The following CDH12 variants were observed in gnomAD, a reference collection of about 807,000 sequenced individuals.
The protein encoded by CDH12 is cadherin-12.
CDH12 carries 41 observed loss-of-function variants against 74.1 expected under a neutral mutation model. The observed-to-expected ratio is 0.55, with a 90% CI of 0.43 to 0.72. The LOEUF (loss-of-function observed/expected upper bound fraction) is 0.72. Among genes scored for constraint, CDH12 ranks in the 30% least tolerant of loss-of-function variants. The probability of loss-of-function intolerance (pLI) is 0.00; values close to 1 mark genes in which losing one functional copy is unlikely to be tolerated. For missense variants in CDH12, 945 were observed against 977.2 expected, an observed-to-expected ratio of 0.97 and a Z score of 0.44; for synonymous variants, 399 against 355.0, an observed-to-expected ratio of 1.12 and a Z score of -1.39.
chr5:22,732,530 G>C (rs1014048234), intron 1 of CDH12, among the ~76,000 whole-genome samples: 5 of 151,308 alleles, frequency 3.3e-5, no homozygotes, highest in African/African-American at 1.2e-4. Context: ...TACTATCCCA[G>C]AGTATGCCAT....
At chr5:22,369,045 C>G (rs1236071516) in intron 3 of CDH12, among the ~76,000 whole-genome samples, 1 of 152,066 alleles carries the variant, frequency 6.6e-6, no homozygotes, top group Non-Finnish European at 1.5e-5. Flanking sequence ...AGGAGAATCG[C>G]TTGAACCCGG....
intron 8 of CDH12, among the ~76,000 whole-genome samples, chr5:21,817,977 G>A (rs1212154986): frequency 6.6e-6 from 1 of 151,862 alleles, no homozygotes. Context: ...ATTATTTTAA[G>A]GTTTTGTAGA....
chr5:22,691,465 TG>T (rs1354698360), intron 1 of CDH12, among the ~76,000 whole-genome samples: 1 of 152,212 alleles, frequency 6.6e-6, no homozygotes, highest in Admixed American at 6.5e-5. Context: ...ATTCAAACCC[TG>T]GTTTACTTCT....
At chr5:22,370,503 C>T (rs1215475968) in intron 3 of CDH12, among the ~76,000 whole-genome samples, 2 of 152,108 alleles carry the variant, frequency 1.3e-5, no homozygotes, top group African/African-American at 4.8e-5. Context: ...TAATTTATAA[C>T]ACATAGGTGC....
intron 1 of CDH12, among the ~76,000 whole-genome samples, chr5:22,720,287 G>T (rs1214440098): frequency 6.6e-6 from 1 of 151,954 alleles, no homozygotes; most frequent in Non-Finnish European, 1.5e-5. Context: ...GTTTTTTAAG[G>T]GGCTTTTCCC....
At chr5:22,741,263 C>T (rs1745012017) in intron 1 of CDH12, among the ~76,000 whole-genome samples, 1 of 152,102 alleles carries the variant, frequency 6.6e-6, no homozygotes, top group Non-Finnish European at 1.5e-5. Flanking sequence ...TTGAGAAAAT[C>T]TTCTGTTTGA....
intron 6 of CDH12, chr5:21,882,478 A>T (rs1752402641): frequency 2.9e-6 from 2 of 682,624 alleles, no homozygotes; most frequent in East Asian, 5.4e-5. Context: ...TTTATAGTAC[A>T]ACTGCCACAT....
rs115559751 is a variant in CDH12 at position 22,711,910 on chromosome 5, T to C, written c.-523+141148A>G. ...TTCATAATGTATCCAAGCCTTAAAGTAACTCACAACTGTTGAATAGAAAGC... is the reference window on the plus strand; with the variant it reads ...TTCATAATGTATCCAAGCCTTAAAGCAACTCACAACTGTTGAATAGAAAGC... On this transcript the variant is annotated intron_variant, in intron 1 of 14. Transcript: ENST00000382254. Among the ~76,000 whole-genome samples the C allele has an allele frequency of 3.0e-3, 450 of 152,182 alleles. 1 individual carries two copies. The highest frequency in any genetic ancestry group is 5.6e-3 in the Non-Finnish European group (379 of 67,940).
chr5:21,911,270 T>G (rs968522896), intron 6 of CDH12, among the ~76,000 whole-genome samples: 1 of 152,148 alleles, frequency 6.6e-6, no homozygotes, highest in South Asian at 2.1e-4. Context: ...CAAATCCCAA[T>G]ACAGCCTATA....
chr5:22,234,780 AT>A (rs70959708), intron 3 of CDH12, among the ~76,000 whole-genome samples: 2,212 of 152,198 alleles, frequency 0.015, 29 homozygotes, highest in South Asian at 0.036. Context: ...TTTCTAAGAA[AT>A]TCACTAAACT....
At chr5:22,377,026 T>C (rs1279775304) in intron 3 of CDH12, among the ~76,000 whole-genome samples, 2 of 152,160 alleles carry the variant, frequency 1.3e-5, no homozygotes, top group Non-Finnish European at 1.5e-5. Flanking sequence ...GGGACCTTAC[T>C]GAAGGCAACA....
chr5:21,947,269 G>A (rs1755620519), intron 6 of CDH12, among the ~76,000 whole-genome samples: 1 of 152,138 alleles, frequency 6.6e-6, no homozygotes, highest in Admixed American at 6.5e-5. Context: ...CTGAAAATGA[G>A]GAAGTGACTT....
rs186852116 is a variant in CDH12 at position 22,427,337 on chromosome 5, T to G, written c.-427-21986A>C. 9.4e-3 allele frequency among the ~76,000 whole-genome samples: 1,426 copies of G among 152,124 alleles called. 11 individuals carry two copies. Among genetic ancestry groups the G allele is most frequent in the Non-Finnish European group, 0.011 (725 of 67,980 alleles). Reference sequence around the variant, plus strand: ...CACGCACCACCACGCCCGGCTAATTTTTATATTTTTAGTAGAGACGGGGTT... The same window carrying G: ...CACGCACCACCACGCCCGGCTAATTGTTATATTTTTAGTAGAGACGGGGTT... On this transcript the variant is annotated intron_variant, in intron 2 of 14. Transcript: ENST00000382254.
At chr5:22,623,796 C>A (rs937018525) in intron 1 of CDH12, among the ~76,000 whole-genome samples, 1 of 152,102 alleles carries the variant, frequency 6.6e-6, no homozygotes, top group Admixed American at 6.5e-5. Flanking sequence ...ACTTTCTTCA[C>A]AGAATTGGAA....
chr5:22,424,040 A>C (rs1487732494), intron 2 of CDH12, among the ~76,000 whole-genome samples: 4 of 150,206 alleles, frequency 2.7e-5, no homozygotes, highest in Non-Finnish European at 5.9e-5. Context: ...AAAGAAAAGA[A>C]AAAGAAAGAA....
chr5:22,681,040 C>A (rs1359400877), intron 1 of CDH12, among the ~76,000 whole-genome samples: 1 of 151,924 alleles, frequency 6.6e-6, no homozygotes, highest in African/African-American at 2.4e-5. Context: ...CTGGGCTATG[C>A]ATTCAAGTAG....
rs1752486423 is a variant in CDH12, at chr5:21,883,798, T to C, written c.527-29008A>G. The stretch of plus-strand genomic sequence containing the variant: ...GCAAAACTTTCAGATGGAGTAGTTG[T>C]GCTGAAGTTTGGTGGGACAAGTGAT... On this transcript the variant is annotated intron_variant, in intron 6 of 14. Coordinates refer to ENST00000382254, the MANE Select transcript of CDH12 (RefSeq NM_004061.5). 1.9e-6 allele frequency: 3 copies of C among 1,585,518 alleles called. No individual in the cohort carries two copies. The East Asian group carries it at 6.7e-5, about 35-fold the overall frequency.
In CDH12 at chr5:22,635,354, T is replaced by C. The variant is rs150223012; in HGVS notation, c.-522-129990A>G. Among the ~76,000 whole-genome samples the C allele has an allele frequency of 3.5e-3, 529 of 152,178 alleles. 1 individual carries two copies. The highest frequency in any genetic ancestry group is 9.7e-3 in the African/African-American group (402 of 41,538). ...GATTCAAGAATTCATACAAAATTTA[T>C]CATGGACAAAATAGAAGAGCTAAAA... On this transcript the variant is annotated intron_variant, in intron 1 of 14. Coordinates refer to ENST00000382254, the MANE Select transcript of CDH12 (RefSeq NM_004061.5).
intron 1 of CDH12, among the ~76,000 whole-genome samples, chr5:22,642,276 C>T (rs1739191613): frequency 6.6e-6 from 1 of 152,130 alleles, no homozygotes; most frequent in Non-Finnish European, 1.5e-5. Context: ...TATATAGAGA[C>T]ATTTGATGTC....
Sources: allele counts gnomAD v4.1 joint callset (sites outside exome capture counted in the v4.1 genomes callset), GRCh38; gene constraint gnomAD v4.1.1; transcripts MANE v1.5; gene names NCBI Gene and HGNC (gene_info 2026-07-23, HGNC 2026-07-21).